The following FBXL7 variants were observed in gnomAD, a reference collection of about 807,000 sequenced individuals.
The protein encoded by FBXL7 is F-box/LRR-repeat protein 7.
Under a neutral mutation model 38.3 loss-of-function variants are expected in FBXL7, and 12 were observed. That is an observed-to-expected ratio of 0.31 (90% CI 0.20 to 0.51). The LOEUF (loss-of-function observed/expected upper bound fraction) is 0.51. FBXL7 is among the 20% of genes least tolerant of loss of function. FBXL7 has a pLI of 0.98. For synonymous variants in FBXL7, 297 were observed against 300.9 expected (o/e 0.99, Z 0.13); for missense variants, 567 against 676.4 (o/e 0.84, Z 1.79).
intron 1 of FBXL7, among the ~76,000 whole-genome samples, 161 bp downstream of exon 1, chr5:15,500,874 G>A (rs1736469883): frequency 6.6e-6 from 1 of 152,192 alleles, no homozygotes; most frequent in Non-Finnish European, 1.5e-5. Context: ...AGTGACCAGT[G>A]AGTAGGTCAG....
chr5:15,698,333 C>T (rs1213135482), intron 2 of FBXL7, among the ~76,000 whole-genome samples: 3 of 152,148 alleles, frequency 2.0e-5, no homozygotes, highest in African/African-American at 7.2e-5. Flanking sequence ...AAGTTGCATA[C>T]AAATTAAGCA....
intron 2 of FBXL7, among the ~76,000 whole-genome samples, chr5:15,678,071 G>T (rs1484035466): frequency 6.6e-6 from 1 of 152,136 alleles, no homozygotes; most frequent in Non-Finnish European, 1.5e-5. Flanking sequence ...AAATGAAGCT[G>T]TCTTTGCTGC....
chr5:15,658,524 C>A (rs546945970), intron 2 of FBXL7, among the ~76,000 whole-genome samples: 53 of 152,226 alleles, frequency 3.5e-4, no homozygotes, highest in African/African-American at 5.1e-4. Flanking sequence ...GAGCTGCAGA[C>A]AAGAACCCCT....
At chr5:15,685,990 C>G (rs1384934968) in intron 2 of FBXL7, among the ~76,000 whole-genome samples, 1 of 152,138 alleles carries the variant, frequency 6.6e-6, no homozygotes, top group African/African-American at 2.4e-5. Context: ...CGGGGGGAGA[C>G]AAGCTCCAGT....
chr5:15,577,649 T>C (rs949194456), intron 1 of FBXL7, among the ~76,000 whole-genome samples: 1 of 150,858 alleles, frequency 6.6e-6, no homozygotes, highest in Non-Finnish European at 1.5e-5. Context: ...TATTTATAGA[T>C]TAAGGAGGCC....
chr5:15,725,690 C>A (rs917049839), intron 2 of FBXL7, among the ~76,000 whole-genome samples: 1 of 152,000 alleles, frequency 6.6e-6, no homozygotes, highest in African/African-American at 2.4e-5. Context: ...GGCTGGAGTG[C>A]AGTGGAACTT....
At chr5:15,620,558 A>G (rs766028022) in intron 2 of FBXL7, among the ~76,000 whole-genome samples, 5 of 151,820 alleles carry the variant, frequency 3.3e-5, no homozygotes, top group Non-Finnish European at 2.9e-5. Flanking sequence ...CCCACAAACT[A>G]TTCTTTGAAA....
intron 2 of FBXL7, among the ~76,000 whole-genome samples, chr5:15,740,287 A>T (rs1342461816): frequency 6.6e-6 from 1 of 152,106 alleles, no homozygotes; most frequent in African/African-American, 2.4e-5. Flanking sequence ...GGAATTTAGG[A>T]CTCATTACCC....
chr5:15,903,698 A>G (rs1447710803), intron 2 of FBXL7, among the ~76,000 whole-genome samples: 4 of 152,170 alleles, frequency 2.6e-5, no homozygotes, highest in Non-Finnish European at 5.9e-5. Flanking sequence ...TATATGTATC[A>G]AAAGATCCCT....
At chr5:15,604,765 T>C (rs1466127574) in intron 1 of FBXL7, among the ~76,000 whole-genome samples, 3 of 152,160 alleles carry the variant, frequency 2.0e-5, no homozygotes, top group Non-Finnish European at 4.4e-5. Flanking sequence ...CATTTCACAT[T>C]TTCGTTTTGC....
chr5:15,647,567 G>A (rs979095500), intron 2 of FBXL7, among the ~76,000 whole-genome samples: 20 of 152,328 alleles, frequency 1.3e-4, no homozygotes, highest in Admixed American at 1.3e-3. Context: ...GCCGGGGATT[G>A]CGGTGAATGT....
At chr5:15,560,441 C>G (rs1027076380) in intron 1 of FBXL7, among the ~76,000 whole-genome samples, 2 of 152,176 alleles carry the variant, frequency 1.3e-5, no homozygotes, top group African/African-American at 4.8e-5. Flanking sequence ...GCATTCAGAA[C>G]TACAAATGGT....
chr5:15,660,213 T>G (rs774024607), intron 2 of FBXL7, among the ~76,000 whole-genome samples: 4 of 152,244 alleles, frequency 2.6e-5, no homozygotes, highest in Non-Finnish European at 5.9e-5. Context: ...TCCCATGCCC[T>G]CTGTAAGTTT....
chr5:15,588,099 G>A (rs995626578), intron 1 of FBXL7, among the ~76,000 whole-genome samples: 1 of 152,094 alleles, frequency 6.6e-6, no homozygotes, highest in Admixed American at 6.5e-5. Flanking sequence ...AGGTCACTGA[G>A]GTAAAACTAG....
At chr5:15,774,054 C>T (rs1438336525) in intron 2 of FBXL7, among the ~76,000 whole-genome samples, 2 of 152,014 alleles carry the variant, frequency 1.3e-5, no homozygotes, top group Admixed American at 6.6e-5. Context: ...CCCCACAAGC[C>T]TCTTTTTTTA....
intron 2 of FBXL7, among the ~76,000 whole-genome samples, chr5:15,805,300 G>A (rs1394759463): frequency 6.6e-6 from 1 of 152,148 alleles, no homozygotes; most frequent in Non-Finnish European, 1.5e-5. Context: ...AGGGTGTTGT[G>A]CTGGATTCCA....
At chr5:15,564,113 AC>A (rs1420343259) in intron 1 of FBXL7, among the ~76,000 whole-genome samples, 1 of 152,130 alleles carries the variant, frequency 6.6e-6, no homozygotes, top group African/African-American at 2.4e-5. Context: ...CCATTTGGTT[AC>A]CAGCTAAGTT....
intron 2 of FBXL7, among the ~76,000 whole-genome samples, chr5:15,795,823 A>G (rs1266431800): frequency 6.6e-6 from 1 of 152,114 alleles, no homozygotes; most frequent in African/African-American, 2.4e-5. Context: ...GATCCACTAT[A>G]CCTGAGCATC....
intron 2 of FBXL7, among the ~76,000 whole-genome samples, chr5:15,921,448 G>C (rs966556958): frequency 6.7e-6 from 1 of 150,338 alleles, no homozygotes; most frequent in Non-Finnish European, 1.5e-5. Context: ...TACCTTTTCA[G>C]ATCTGTCTGT....
Sources: allele counts gnomAD v4.1 joint callset (sites outside exome capture counted in the v4.1 genomes callset), GRCh38; gene constraint gnomAD v4.1.1; transcripts MANE v1.5; gene names NCBI Gene and HGNC (gene_info 2026-07-23, HGNC 2026-07-21).